The following NRXN3 variants were observed in gnomAD, a reference collection of about 807,000 sequenced individuals.
NRXN3 encodes neurexin 3, also known as neurexin III.
A neutral mutation model predicts 137.6 loss-of-function variants in NRXN3; 32 were observed. That is an observed-to-expected ratio of 0.23 (90% CI 0.18 to 0.31). The LOEUF (loss-of-function observed/expected upper bound fraction) is 0.31, where lower values mean the gene tolerates loss of function less well. Among genes scored for constraint, NRXN3 ranks in the 10% least tolerant of loss-of-function variants. The probability of loss-of-function intolerance (pLI) is 1.00; values close to 1 mark genes in which losing one functional copy is unlikely to be tolerated. For synonymous variants in NRXN3, 798 were observed against 784.5 expected (o/e 1.02, Z -0.29); for missense variants, 1,574 against 2,062.5 (o/e 0.76, Z 4.59).
intron 15 of NRXN3, among the ~76,000 whole-genome samples, chr14:79,429,459 TA>T (rs1329956102): frequency 6.6e-6 from 1 of 152,196 alleles, no homozygotes; most frequent in African/African-American, 2.4e-5. Context: ...TCCTCGTCTC[TA>T]AAATGTGAGT....
chr14:78,950,644 A>AGAAG (rs1567797959), intron 10 of NRXN3, among the ~76,000 whole-genome samples: 1 of 151,960 alleles, frequency 6.6e-6, no homozygotes, highest in Non-Finnish European at 1.5e-5. Context: ...AAAGAAGGAA[A>AGAAG]GAAGGAAGGA....
At chr14:78,968,643 A>G (rs1489299075) in intron 14 of NRXN3, among the ~76,000 whole-genome samples, 1 of 152,222 alleles carries the variant, frequency 6.6e-6, no homozygotes, top group Non-Finnish European at 1.5e-5. Flanking sequence ...TTCAATGTGT[A>G]CCTTGGCTTC....
chr14:78,521,158 G>C (rs75421033), intron 4 of NRXN3, among the ~76,000 whole-genome samples: 1 of 151,850 alleles, frequency 6.6e-6, no homozygotes, highest in Non-Finnish European at 1.5e-5. Context: ...CTGTCTGTCT[G>C]TCTCTCTCTC....
chr14:79,836,956 A>G (rs1260346289), intron 20 of NRXN3, among the ~76,000 whole-genome samples: 1 of 152,142 alleles, frequency 6.6e-6, no homozygotes, highest in Non-Finnish European at 1.5e-5. Flanking sequence ...CTTGAATGCT[A>G]GACTCCCCAC....
intron 14 of NRXN3, among the ~76,000 whole-genome samples, chr14:78,986,312 A>T (rs1228448781): frequency 2.6e-5 from 4 of 152,196 alleles, no homozygotes; most frequent in Admixed American, 2.0e-4. Flanking sequence ...TGGGAAATTC[A>T]TGGAGTTATA....
chr14:79,091,412 AAT>A (rs1217495599), intron 15 of NRXN3, among the ~76,000 whole-genome samples: 1 of 152,144 alleles, frequency 6.6e-6, no homozygotes, highest in Non-Finnish European at 1.5e-5. Flanking sequence ...TTATTACCAA[AAT>A]AGAAGTTGCA....
chr14:79,232,552 C>A (rs989582001), intron 15 of NRXN3, among the ~76,000 whole-genome samples: 1 of 152,076 alleles, frequency 6.6e-6, no homozygotes, highest in Non-Finnish European at 1.5e-5. Context: ...TATTAGAGTA[C>A]CATCTCTTCC....
chr14:78,661,033 A>G (rs990549705), intron 6 of NRXN3, among the ~76,000 whole-genome samples: 3 of 152,208 alleles, frequency 2.0e-5, no homozygotes, highest in Non-Finnish European at 4.4e-5. Context: ...AATTTTTGAA[A>G]CCTAGTTGGT....
intron 16 of NRXN3, among the ~76,000 whole-genome samples, chr14:79,639,094 T>G (rs973631281): frequency 6.6e-6 from 1 of 152,078 alleles, no homozygotes; most frequent in African/African-American, 2.4e-5. Flanking sequence ...CCTCTCCGTC[T>G]TACCCACACC....
intron 10 of NRXN3, among the ~76,000 whole-genome samples, chr14:78,850,717 T>C (rs1276036609): frequency 6.6e-6 from 1 of 152,140 alleles, no homozygotes; most frequent in Non-Finnish European, 1.5e-5. Context: ...ATTTAGATCA[T>C]GTGACCGAAA....
chr14:78,741,353 C>T (rs548611696), intron 8 of NRXN3, among the ~76,000 whole-genome samples: 81 of 152,254 alleles, frequency 5.3e-4, no homozygotes, highest in Non-Finnish European at 4.3e-4. Flanking sequence ...AATGGAAAGG[C>T]ATCAACACTT....
At chr14:78,712,862 C>T (rs1324668721) in intron 7 of NRXN3, among the ~76,000 whole-genome samples, 3 of 152,172 alleles carry the variant, frequency 2.0e-5, no homozygotes, top group East Asian at 1.9e-4. Flanking sequence ...CACACCCAGC[C>T]GACTTTGTAC....
At chr14:79,137,912 G>A (rs77936890) in intron 15 of NRXN3, among the ~76,000 whole-genome samples, 4,872 of 152,150 alleles carry the variant, frequency 0.032, 253 homozygotes, top group African/African-American at 0.11. Flanking sequence ...TAGGAAGCTG[G>A]CTTTGGCGTT....
chr14:79,842,266 G>A (rs889655850), intron 20 of NRXN3, among the ~76,000 whole-genome samples: 2 of 152,192 alleles, frequency 1.3e-5, no homozygotes, highest in African/African-American at 4.8e-5. Context: ...ACTGTGCAGA[G>A]AATCATGAGG....
chr14:78,998,293 A>G (rs2099534258), intron 15 of NRXN3, among the ~76,000 whole-genome samples: 1 of 152,162 alleles, frequency 6.6e-6, no homozygotes, highest in South Asian at 2.1e-4. Context: ...GATTAGGGTG[A>G]AGGTAGCAGG....
At chr14:78,470,402 ATAT>A (rs1335467006) in intron 4 of NRXN3, among the ~76,000 whole-genome samples, 1 of 151,810 alleles carries the variant, frequency 6.6e-6, no homozygotes. Flanking sequence ...ATTGCTTCAA[ATAT>A]TATACTTAGA....
intron 15 of NRXN3, among the ~76,000 whole-genome samples, chr14:79,126,344 T>G (rs1418985222): frequency 1.9e-5 from 2 of 103,952 alleles, no homozygotes; most frequent in Admixed American, 1.4e-4. Flanking sequence ...CCCACGACCG[T>G]CCCCAGAGTG....
intron 10 of NRXN3, among the ~76,000 whole-genome samples, chr14:78,920,086 C>G (rs550868588): frequency 7.9e-5 from 12 of 152,332 alleles, no homozygotes; most frequent in African/African-American, 2.9e-4. Context: ...TGTCTTACAG[C>G]TTAAAACAAC....
At chr14:78,802,627 C>G (rs1182444674) in intron 8 of NRXN3, among the ~76,000 whole-genome samples, 1 of 152,142 alleles carries the variant, frequency 6.6e-6, no homozygotes, top group Non-Finnish European at 1.5e-5. Context: ...TCGGTAACCT[C>G]AGACTGAGGA....
Sources: gnomAD v4.1 joint callset for allele counts (sites outside exome capture counted in the v4.1 genomes callset) on GRCh38, gnomAD v4.1.1 for gene constraint, MANE v1.5 for transcripts, NCBI Gene and HGNC (gene_info 2026-07-23, HGNC 2026-07-21) for gene names.